IMPG1: variants seen among roughly 807,000 people sequenced by gnomAD.
IMPG1 encodes interphotoreceptor matrix proteoglycan 1, also known as interphotoreceptor matrix proteoglycan of 150 kDa.
A neutral mutation model predicts 92.0 loss-of-function variants in IMPG1; 85 were observed. That is an observed-to-expected ratio of 0.92 (90% confidence interval 0.78 to 1.11). The LOEUF is 1.11. IMPG1 is among the 50% of genes least tolerant of loss of function. The pLI, the probability that IMPG1 is intolerant of heterozygous loss-of-function variation, is 0.00. For synonymous variants in IMPG1, 367 were observed against 334.1 expected (o/e 1.10, Z -1.08); for missense variants, 1,022 against 956.0 (o/e 1.07, Z -0.91).
At chr6:75,934,815 A>G (rs1339702119) in intron 14 of IMPG1, 1 of 377,906 alleles carries the variant, frequency 2.6e-6, no homozygotes, top group Non-Finnish European at 5.7e-6. Flanking sequence ...CCGCCCCTCA[A>G]CCTTGTCCTG....
chr6:75,993,449 C>A (rs1306187218), intron 12 of IMPG1, among the ~76,000 whole-genome samples: 1 of 151,650 alleles, frequency 6.6e-6, no homozygotes, highest in Non-Finnish European at 1.5e-5. Flanking sequence ...GTTGTATCCC[C>A]ACATGGCGGA....
intron 3 of IMPG1, 81 bp downstream of exon 3, chr6:76,034,540 A>T (rs1783702516): frequency 6.8e-7 from 1 of 1,460,094 alleles, no homozygotes; most frequent in Admixed American, 1.8e-5. Flanking sequence ...CGTTGTGGAA[A>T]CCAATTCAAA....
At chr6:75,943,821 T>C (rs919424590) in intron 14 of IMPG1, among the ~76,000 whole-genome samples, 2 of 152,214 alleles carry the variant, frequency 1.3e-5, no homozygotes, top group South Asian at 2.1e-4. Context: ...GAAAACTCAG[T>C]GCCCTCTTCA....
chr6:76,034,484 A>G (rs146063821), intron 3 of IMPG1, 137 bp downstream of exon 3: 3 of 1,218,312 alleles, frequency 2.5e-6, no homozygotes, highest in African/African-American at 3.0e-5. Flanking sequence ...TAAAATTTCT[A>G]TTGGCCTAAT....
At chr6:75,968,954 GA>G (rs1434988989) in intron 12 of IMPG1, among the ~76,000 whole-genome samples, 2 of 152,132 alleles carry the variant, frequency 1.3e-5, no homozygotes, top group African/African-American at 4.8e-5. Flanking sequence ...AATGACTAAA[GA>G]AAATGTGGTA....
intron 14 of IMPG1, among the ~76,000 whole-genome samples, chr6:75,939,323 A>C (rs1444348302): frequency 6.6e-6 from 1 of 152,068 alleles, no homozygotes; most frequent in Non-Finnish European, 1.5e-5. Context: ...AACATTAGGT[A>C]TATCTCCTAA....
At chr6:76,068,731 G>A (rs142775829) in intron 1 of IMPG1, among the ~76,000 whole-genome samples, 3,875 of 151,802 alleles carry the variant, frequency 0.026, 142 homozygotes, top group African/African-American at 0.086. Flanking sequence ...TGGCCAGGCT[G>A]GTCTTGAACT....
At chr6:76,001,525 A>G (rs948521596) in intron 12 of IMPG1, among the ~76,000 whole-genome samples, 34 of 152,150 alleles carry the variant, frequency 2.2e-4, no homozygotes, top group African/African-American at 8.2e-4. Context: ...GGCCCTTAAG[A>G]TATTAGAATA....
intron 14 of IMPG1, among the ~76,000 whole-genome samples, chr6:75,939,017 G>A (rs919053453): frequency 6.6e-6 from 1 of 152,026 alleles, no homozygotes; most frequent in African/African-American, 2.4e-5. Flanking sequence ...TGCTTTGTGT[G>A]TGTAGAGACA....
chr6:75,925,932 T>C (rs1361897804), intron 15 of IMPG1, among the ~76,000 whole-genome samples: 10 of 152,200 alleles, frequency 6.6e-5, no homozygotes, highest in Admixed American at 5.9e-4. Context: ...CCCAAAGTGC[T>C]GGGATTACAG....
intron 1 of IMPG1, among the ~76,000 whole-genome samples, chr6:76,064,595 T>C (rs532635950): frequency 6.6e-6 from 1 of 152,188 alleles, no homozygotes; most frequent in Non-Finnish European, 1.5e-5. Context: ...TTAGGGCTTG[T>C]TTGTGCCTGC....
Position 76,002,976 on chromosome 6 carries a change from T to C in IMPG1, c.1233A>G (p.Glu411=). ...CAAGCTGGGGTTCAACAGGAGGAAG[T>C]TCTGGACTCAAAGTAGCATCCTGAA... ...VITEDATLSP[E]LPPVEPQLET... The change falls in exon 12 of 17, where the codon GAA becomes GAG. Residue 411 remains glutamate, a synonymous_variant. Transcript: ENST00000369950. The C allele has an allele frequency of 6.2e-7, 1 of 1,613,568 alleles. No individual in the cohort carries two copies. The highest frequency in any genetic ancestry group is 8.5e-7 in the Non-Finnish European group (1 of 1,179,592).
intron 10 of IMPG1, 106 bp from the exon 11 acceptor site, chr6:76,004,056 G>A: frequency 1.3e-6 from 1 of 741,646 alleles, no homozygotes; most frequent in Admixed American, 2.9e-5. Flanking sequence ...CAATCCTTAA[G>A]GAGTAGTACA....
At chr6:76,000,702 T>G (rs187859853) in intron 12 of IMPG1, among the ~76,000 whole-genome samples, 1 of 152,104 alleles carries the variant, frequency 6.6e-6, no homozygotes. Context: ...AGGATGGAAA[T>G]GAGACTGCTA....
intron 4 of IMPG1, among the ~76,000 whole-genome samples, chr6:76,033,639 G>A (rs1783687886): frequency 6.6e-6 from 1 of 152,206 alleles, no homozygotes; most frequent in Admixed American, 6.5e-5. Flanking sequence ...AAATGTGTAA[G>A]GCATTGTAAA....
At chr6:75,934,096 C>A (rs1781702495) in intron 14 of IMPG1, among the ~76,000 whole-genome samples, 1 of 152,168 alleles carries the variant, frequency 6.6e-6, no homozygotes, top group Admixed American at 6.5e-5. Context: ...AGCCCCCCCA[C>A]CCCACCACAT....
chr6:75,976,716 C>T (rs1782541605), intron 12 of IMPG1, among the ~76,000 whole-genome samples: 1 of 151,860 alleles, frequency 6.6e-6, no homozygotes, highest in African/African-American at 2.4e-5. Context: ...TCAAGACCAT[C>T]CTGGCCAACA....
chr6:75,972,962 TTGCTGGAATCC>T (rs1782447606), intron 12 of IMPG1, among the ~76,000 whole-genome samples: 1 of 152,168 alleles, frequency 6.6e-6, no homozygotes, highest in Non-Finnish European at 1.5e-5. Flanking sequence ...GTTTAATGGC[TTGCTGGAATCC>T]TGCTCTTTTC....
chr6:75,921,382 C>T lies in IMPG1; in HGVS notation c.*707G>A, dbSNP rs1781425717. On this transcript the variant is annotated 3_prime_UTR_variant, in exon 17 of 17. Coordinates refer to ENST00000369950, the MANE Select transcript of IMPG1 (RefSeq NM_001563.4). ...ATATAGTACAACTTCGCCCTTCTCC[C>T]AACATAGCATCTTCTTTAAAATAGC... is the stretch of plus-strand genomic sequence containing the variant. 6.6e-6 allele frequency: 1 copy of T among 152,160 alleles called. No individual in the cohort carries two copies. The highest frequency in any genetic ancestry group is 1.5e-5 in the Non-Finnish European group (1 of 68,026). 9.4% of individuals were successfully genotyped at this position (152,160 alleles called of 1,614,324 possible).
Sources: allele counts gnomAD v4.1 joint callset (sites outside exome capture counted in the v4.1 genomes callset), GRCh38; gene constraint gnomAD v4.1.1; transcripts MANE v1.5; gene names NCBI Gene and HGNC (gene_info 2026-07-23, HGNC 2026-07-21).